The following GRIN2B variants were observed in gnomAD, a reference collection of about 807,000 sequenced individuals.
GRIN2B encodes the protein glutamate receptor ionotropic, NMDA 2B.
A neutral mutation model predicts 114.5 loss-of-function variants in GRIN2B; 5 were observed. The ratio of observed to expected loss-of-function variants is 0.04; its 90% confidence interval spans 0.02 to 0.09. The LOEUF (loss-of-function observed/expected upper bound fraction) is 0.09. Ranked by LOEUF, GRIN2B falls within the 10% of genes least tolerant of loss-of-function variation. The pLI is 1.00. For missense variants in GRIN2B, 1,108 were observed against 1,943.5 expected (o/e 0.57, Z 8.08); for synonymous variants, 787 against 745.1 (o/e 1.06, Z -0.92).
At chr12:13,605,325 T>TA (rs757659802) in intron 10 of GRIN2B, among the ~76,000 whole-genome samples, 3 of 152,078 alleles carry the variant, frequency 2.0e-5, no homozygotes, top group Non-Finnish European at 4.4e-5. Context: ...AATCTAGGTT[T>TA]TGAAGTTTCA....
chr12:13,763,531 G>C (rs183339072), intron 3 of GRIN2B, among the ~76,000 whole-genome samples: 7 of 152,174 alleles, frequency 4.6e-5, no homozygotes, highest in Non-Finnish European at 1.0e-4. Context: ...TGTACCTACA[G>C]ATGCCAGCTG....
chr12:13,893,245 C>G (rs1304546040), intron 2 of GRIN2B, among the ~76,000 whole-genome samples: 1 of 152,112 alleles, frequency 6.6e-6, no homozygotes, highest in Non-Finnish European at 1.5e-5. Flanking sequence ...GGCTTACATA[C>G]ACATTGATTT....
chr12:13,975,655 CATTT>C (rs1489427710), intron 2 of GRIN2B, among the ~76,000 whole-genome samples: 1 of 152,200 alleles, frequency 6.6e-6, no homozygotes, highest in Non-Finnish European at 1.5e-5. Flanking sequence ...TTTCTCTGTT[CATTT>C]ATTTAACATT....
intron 10 of GRIN2B, among the ~76,000 whole-genome samples, chr12:13,575,519 C>A (rs1469125331): frequency 6.6e-6 from 1 of 151,814 alleles, no homozygotes; most frequent in African/African-American, 2.4e-5. Flanking sequence ...ATTAGCCGTG[C>A]GTGGTGGCAT....
At chr12:13,897,197 G>GC (rs1472740694) in intron 2 of GRIN2B, among the ~76,000 whole-genome samples, 3 of 152,108 alleles carry the variant, frequency 2.0e-5, no homozygotes, top group African/African-American at 7.2e-5. Flanking sequence ...CACCAACTCA[G>GC]CATATTTCCT....
chr12:13,567,429 T>C (rs1419410243), intron 12 of GRIN2B, among the ~76,000 whole-genome samples, 166 bp from the exon 13 acceptor site: 3 of 152,238 alleles, frequency 2.0e-5, no homozygotes, highest in African/African-American at 7.2e-5. Flanking sequence ...GTAATCTTAT[T>C]AATGCCATTA....
In GRIN2B at chr12:13,910,737, C is replaced by T. The variant is rs571898792; in HGVS notation, c.-18-44511G>A. Among the ~76,000 whole-genome samples, 4 of 152,316 alleles carry T rather than the reference C, an allele frequency of 2.6e-5. No individual in the cohort carries two copies. The South Asian group carries it at 8.3e-4, about 32-fold the overall frequency. On this transcript the variant is annotated intron_variant, in intron 2 of 13. Transcript: ENST00000609686. ...GATTCTTCAGTGGATTCCTGCAGCT[C>T]TGAGGATATAGTTCAAATTAATCCT...
At chr12:13,627,707 G>A (rs1301716805) in intron 5 of GRIN2B, among the ~76,000 whole-genome samples, 1 of 152,228 alleles carries the variant, frequency 6.6e-6, no homozygotes, top group East Asian at 1.9e-4. Flanking sequence ...TGTTTGGTTA[G>A]TGACCTGTGG....
chr12:13,635,736 A>G (rs1299425383), intron 5 of GRIN2B, among the ~76,000 whole-genome samples: 2 of 152,156 alleles, frequency 1.3e-5, no homozygotes, highest in Non-Finnish European at 2.9e-5. Flanking sequence ...TGAAGAAATG[A>G]GTGTGTATTG....
rs186704772 is a variant in GRIN2B, at chr12:13,543,123, T to C, written c.*19660A>G. ...TATCATATGGAAGTCAACATTTTGT[T>C]GACTTCAATATCTATATAATTCCCA... On this transcript the variant is annotated 3_prime_UTR_variant, in exon 14 of 14. Transcript: ENST00000609686. 1 of 152,318 alleles carries C rather than the reference T, an allele frequency of 6.6e-6. No individual in the cohort carries two copies. Among genetic ancestry groups the C allele is most frequent in the Non-Finnish European group, 1.5e-5 (1 of 68,024 alleles). 9.4% of individuals were successfully genotyped at this position (152,318 alleles called of 1,614,324 possible). A position where few individuals can be genotyped will look rare whatever the true frequency, so the allele number is the denominator to read the frequency against.
At chr12:13,666,207 C>T (rs1949973615) in intron 5 of GRIN2B, among the ~76,000 whole-genome samples, 1 of 152,150 alleles carries the variant, frequency 6.6e-6, no homozygotes, top group South Asian at 2.1e-4. Flanking sequence ...CTTCTCCTTC[C>T]AGGGTCATAC....
chr12:13,633,325 C>G (rs1057243247), intron 5 of GRIN2B, among the ~76,000 whole-genome samples: 1 of 152,222 alleles, frequency 6.6e-6, no homozygotes, highest in Admixed American at 6.5e-5. Flanking sequence ...CAGAACCCAG[C>G]AATCTGGTTT....
intron 3 of GRIN2B, among the ~76,000 whole-genome samples, chr12:13,833,253 A>G (rs1246732497): frequency 6.6e-6 from 1 of 152,184 alleles, no homozygotes; most frequent in Non-Finnish European, 1.5e-5. Flanking sequence ...TCACTAAAAC[A>G]TCTCACAATT....
chr12:13,680,968 C>G (rs988352394), intron 4 of GRIN2B, among the ~76,000 whole-genome samples: 2 of 152,080 alleles, frequency 1.3e-5, no homozygotes, highest in African/African-American at 4.8e-5. Flanking sequence ...CAAAGTCACA[C>G]CACAGTGAGC....
In GRIN2B at chr12:13,620,090, A is replaced by G. The variant is rs185312360; in HGVS notation, c.1126-3433T>C. Among the ~76,000 whole-genome samples the G allele has an allele frequency of 3.9e-5, 6 of 152,354 alleles. No individual in the cohort carries two copies. In the East Asian group the frequency reaches 7.7e-4, roughly 20 times the overall value. Reference sequence around the variant, plus strand: ...ATTCAGAGTAGAAGTGATGTTTTCTAAAAGAATCAGAAGAAATCTCACAGA... The same window carrying G: ...ATTCAGAGTAGAAGTGATGTTTTCTGAAAGAATCAGAAGAAATCTCACAGA... On this transcript the variant is annotated intron_variant, in intron 5 of 13. Transcript: ENST00000609686.
At chr12:13,816,400 G>A in intron 3 of GRIN2B, among the ~76,000 whole-genome samples, 1 of 152,200 alleles carries the variant, frequency 6.6e-6, no homozygotes, top group Non-Finnish European at 1.5e-5. Context: ...CTTTCTAGCA[G>A]TGTTTTGAAC....
chr12:13,600,761 A>G (rs1403161785), intron 10 of GRIN2B, among the ~76,000 whole-genome samples: 1 of 152,194 alleles, frequency 6.6e-6, no homozygotes, highest in Non-Finnish European at 1.5e-5. Context: ...TAAGGACATC[A>G]CTACTAAAAG....
chr12:13,779,669 C>G (rs978588869), intron 3 of GRIN2B, among the ~76,000 whole-genome samples: 1 of 152,130 alleles, frequency 6.6e-6, no homozygotes, highest in African/African-American at 2.4e-5. Flanking sequence ...GTGTTTACAA[C>G]ACATCTTAGT....
At chr12:13,574,353 C>T (rs902933257) in intron 10 of GRIN2B, among the ~76,000 whole-genome samples, 1 of 152,204 alleles carries the variant, frequency 6.6e-6, no homozygotes, top group Non-Finnish European at 1.5e-5. Flanking sequence ...GAGTAAATAA[C>T]TATGGTAGAT....
Sources: gnomAD v4.1 joint callset for allele counts (sites outside exome capture counted in the v4.1 genomes callset) on GRCh38, gnomAD v4.1.1 for gene constraint, MANE v1.5 for transcripts, NCBI Gene and HGNC (gene_info 2026-07-23, HGNC 2026-07-21) for gene names.